The following NDE1 variants were observed in gnomAD, a reference collection of about 807,000 sequenced individuals.
NDE1 encodes the protein nuclear distribution protein nudE homolog 1.
Under a neutral mutation model 43.4 loss-of-function variants are expected in NDE1, and 28 were observed. That is an observed-to-expected ratio of 0.65 (90% confidence interval 0.48 to 0.89). The LOEUF (loss-of-function observed/expected upper bound fraction) is 0.89. NDE1 is among the 40% of genes least tolerant of loss of function. The pLI, the probability that NDE1 is intolerant of heterozygous loss-of-function variation, is 0.00. For synonymous variants in NDE1, 184 were observed against 172.0 expected, an observed-to-expected ratio of 1.07 and a Z score of -0.55; for missense variants, 441 against 434.1, an observed-to-expected ratio of 1.02 and a Z score of -0.14.
chr16:15,669,742 G>A (rs540365788), intron 3 of NDE1, among the ~76,000 whole-genome samples: 57 of 152,214 alleles, frequency 3.7e-4, no homozygotes, highest in African/African-American at 1.3e-3. Flanking sequence ...TGATCCGCCC[G>A]CCTCAGCCTC....
At chr16:15,695,350 A>G (rs2038962550) in intron 7 of NDE1, 2 of 307,356 alleles carry the variant, frequency 6.5e-6, no homozygotes, top group South Asian at 2.6e-4. Context: ...TCTACTAAAA[A>G]TACAAAAATT....
chr16:15,666,218 T>G (rs968744435), intron 2 of NDE1, among the ~76,000 whole-genome samples: 1 of 151,970 alleles, frequency 6.6e-6, no homozygotes, highest in East Asian at 1.9e-4. Context: ...ATCTGGGAGG[T>G]GTGTGTGTGT....
intron 8 of NDE1, chr16:15,704,039 TTCC>T: frequency 6.2e-7 from 1 of 1,614,142 alleles, no homozygotes. Flanking sequence ...GAGTGTCCGT[TTCC>T]TCCTCAGAAC....
chr16:15,646,789 G>A (rs190809487), upstream of NDE1, among the ~76,000 whole-genome samples: 125 of 151,894 alleles, frequency 8.2e-4, no homozygotes, highest in African/African-American at 3.0e-3. Flanking sequence ...GGTGGCTCAT[G>A]CCTGTAATCC....
intron 8 of NDE1, chr16:15,715,376 A>T (rs2040069397): frequency 2.0e-6 from 2 of 987,474 alleles, no homozygotes; most frequent in African/African-American, 3.2e-5. Context: ...TGAGCCCCGT[A>T]TCTGGACTCC....
At chr16:15,688,111 G>A (rs144661340) in intron 5 of NDE1, among the ~76,000 whole-genome samples, 31 of 152,348 alleles carry the variant, frequency 2.0e-4, no homozygotes, top group African/African-American at 6.7e-4. Context: ...AGGAGGTGGA[G>A]TATGCAGTGA....
intron 8 of NDE1, among the ~76,000 whole-genome samples, chr16:15,723,275 G>A (rs1214575477): frequency 6.6e-6 from 1 of 152,052 alleles, no homozygotes; most frequent in Non-Finnish European, 1.5e-5. Flanking sequence ...GTGTGGAAGG[G>A]GAAATGTACT....
intron 1 of NDE1, among the ~76,000 whole-genome samples, chr16:15,657,683 T>C (rs554140567): frequency 6.6e-6 from 1 of 152,264 alleles, no homozygotes; most frequent in African/African-American, 2.4e-5. Context: ...CAGCCTCCGC[T>C]TCTCAGGCTT....
At chr16:15,720,122 C>T (rs2040387350) in intron 8 of NDE1, 1 of 1,614,042 alleles carries the variant, frequency 6.2e-7, no homozygotes, top group East Asian at 2.2e-5. Flanking sequence ...CTCCCTCCAC[C>T]CATGCCCCAA....
rs34909724 is a variant in NDE1 at position 15,725,148 on chromosome 16, AAC to A, written c.*911_*912del. 1.2e-3 allele frequency: 701 copies of A among 607,280 alleles called. 7 individuals carry two copies. The highest frequency in any genetic ancestry group is 2.0e-3 in the South Asian group (103 of 52,770). The allele number at this position is 607,280 out of a possible 1,614,324, so 37.6% of individuals were successfully genotyped here. The stretch of plus-strand genomic sequence containing the variant: ...TGGGACTCTGATAAAAAAAAAAAAA[AAC>A]ACACACACACACAAAAAAAACAGAA... On this transcript the variant is annotated 3_prime_UTR_variant, in exon 9 of 9. Transcript: ENST00000396354.
At chr16:15,716,538 G>T (rs903200737) in intron 8 of NDE1, among the ~76,000 whole-genome samples, 1 of 151,924 alleles carries the variant, frequency 6.6e-6, no homozygotes. Context: ...GTGTGTATGT[G>T]TGTGGAAGGG....
rs864309564 is a variant in NDE1, at chr16:15,717,203, G to GACTTGA, written c.948-6982_948-6977dup. ...CTTGGCCTCCAGCGCCGCGATGGTG[G>GACTTGA]ACTTGAACTTGGACTTGACGGCCCC... On this transcript the variant is annotated intron_variant, in intron 8 of 8. Coordinates refer to ENST00000396354, the MANE Select transcript of NDE1 (RefSeq NM_017668.3). 6.2e-7 allele frequency: 1 copy of GACTTGA among 1,614,196 alleles called. No homozygotes were observed. Among genetic ancestry groups the GACTTGA allele is most frequent in the Non-Finnish European group, 8.5e-7 (1 of 1,180,036 alleles).
chr16:15,719,293 C>T, intron 8 of NDE1: 1 of 1,611,904 alleles, frequency 6.2e-7, no homozygotes, highest in East Asian at 2.2e-5. Flanking sequence ...CGAGCCCTCT[C>T]AGCGGCGGCG....
intron 3 of NDE1, among the ~76,000 whole-genome samples, chr16:15,670,940 T>G (rs78342420): frequency 6.6e-6 from 1 of 152,092 alleles, no homozygotes; most frequent in East Asian, 1.9e-4. Flanking sequence ...AAGGTGGTCA[T>G]TGAAGCTGAA....
In NDE1 at chr16:15,686,661, C is replaced by T. The variant is rs2038454009; in HGVS notation, c.387-714C>T. 8 of 470,228 alleles carry T rather than the reference C, an allele frequency of 1.7e-5. No individual in the cohort carries two copies. In the South Asian group the frequency reaches 5.4e-4, roughly 32 times the overall value. 29.1% of individuals were successfully genotyped at this position (470,228 alleles called of 1,614,324 possible). A position where few individuals can be genotyped will look rare whatever the true frequency, so the allele number is the denominator to read the frequency against. ...CCACTGCACTTCGGCCTGAGAGACA[C>T]AGCAAAAACCTGTGTCTTAAAAAAT... On this transcript the variant is annotated intron_variant, in intron 4 of 8. Coordinates refer to ENST00000396354, the MANE Select transcript of NDE1 (RefSeq NM_017668.3).
chr16:15,648,022 G>A (rs138079637), upstream of NDE1, among the ~76,000 whole-genome samples: 689 of 134,250 alleles, frequency 5.1e-3, 3 homozygotes, highest in African/African-American at 0.017. Context: ...CACAGGGTGA[G>A]ACTCTGTCTC....
intron 1 of NDE1, among the ~76,000 whole-genome samples, chr16:15,655,046 T>G (rs1361435585): frequency 6.6e-6 from 1 of 151,896 alleles, no homozygotes; most frequent in Non-Finnish European, 1.5e-5. Context: ...TGAGACAGAG[T>G]CTTGCTCTTG....
chr16:15,721,600 T>G, intron 8 of NDE1: 1 of 1,614,074 alleles, frequency 6.2e-7, no homozygotes, highest in Non-Finnish European at 8.5e-7. Flanking sequence ...CTCATCCGCG[T>G]ATTTGGAAGA....
chr16:15,707,536 C>T (rs1221239063), intron 8 of NDE1, among the ~76,000 whole-genome samples: 5 of 152,170 alleles, frequency 3.3e-5, no homozygotes, highest in Non-Finnish European at 7.3e-5. Flanking sequence ...ATCTGCTCCC[C>T]CACAAAACTG....
Sources: allele counts gnomAD v4.1 joint callset (sites outside exome capture counted in the v4.1 genomes callset), GRCh38; gene constraint gnomAD v4.1.1; transcripts MANE v1.5; gene names NCBI Gene and HGNC (gene_info 2026-07-23, HGNC 2026-07-21).